Variants in SNAPC3 observed in about 807,000 individuals in gnomAD.
The protein encoded by SNAPC3 is snRNA-activating protein complex subunit 3.
Under a neutral mutation model 47.7 loss-of-function variants are expected in SNAPC3, and 56 were observed. The ratio of observed to expected loss-of-function variants is 1.18; its 90% CI spans 0.95 to 1.47. The LOEUF (loss-of-function observed/expected upper bound fraction) is 1.47, where lower values mean the gene tolerates loss of function less well. Ranked by LOEUF, SNAPC3 falls within the 40% of genes most tolerant of loss-of-function variation. SNAPC3 has a pLI of 0.00. For missense variants in SNAPC3, 665 were observed against 511.3 expected (o/e 1.30, Z -2.90); for synonymous variants, 235 against 189.9 (o/e 1.24, Z -1.95).
At chr9:15,423,613 G>A (rs2030900539) in intron 1 of SNAPC3, among the ~76,000 whole-genome samples, 1 of 152,146 alleles carries the variant, frequency 6.6e-6, no homozygotes, top group South Asian at 2.1e-4. Flanking sequence ...TTCTTTTGGG[G>A]ACCTTCCGGG....
Position 15,442,242 on chromosome 9 carries a change from C to G in SNAPC3, c.478-2360C>G, listed in dbSNP as rs7871517. On this transcript the variant is annotated intron_variant, in intron 3 of 8. Coordinates refer to ENST00000380821, the MANE Select transcript of SNAPC3 (RefSeq NM_001039697.2). ...CTCCGGGACGGGGCGGCTGGCCGGG[C>G]GGGGGCTGCCCCCAACCTCCCTCCT... Among the ~76,000 whole-genome samples, 4 of 107,120 alleles carry G rather than the reference C, an allele frequency of 3.7e-5. 1 individual carries two copies. Among genetic ancestry groups the G allele is most frequent in the South Asian group, 3.0e-4 (1 of 3,288 alleles). The allele number at this position is 107,120 out of a possible 152,430, so 70.3% of individuals were successfully genotyped here.
At chr9:15,464,264 A>T (rs2035456728), downstream of SNAPC3, 1 of 193,636 alleles carries the variant, frequency 5.2e-6, no homozygotes, top group South Asian at 1.9e-4. Context: ...GTAGATGAAA[A>T]CAGTTATCTC....
chr9:15,452,932 G>A (rs1306327798), intron 6 of SNAPC3, 109 bp from the exon 7 acceptor site: 1 of 859,980 alleles, frequency 1.2e-6, no homozygotes, highest in Non-Finnish European at 1.8e-6. Flanking sequence ...CAACTGTCCA[G>A]TTAGTTGGGT....
chr9:15,425,226 G>A (rs953044148), intron 2 of SNAPC3, among the ~76,000 whole-genome samples: 4 of 152,074 alleles, frequency 2.6e-5, no homozygotes, highest in Non-Finnish European at 4.4e-5. Flanking sequence ...GTTATGTTAC[G>A]TTATTTTTTT....
chr9:15,459,878 C>G lies in SNAPC3; in HGVS notation c.*12C>G. ...GAACCTTTAATTAAGAATAGCTACA[C>G]TCACAAAAATACCCCCTCATGAAAT... On this transcript the variant is annotated 3_prime_UTR_variant, in exon 9 of 9. Transcript: ENST00000380821. The G allele has an allele frequency of 8.1e-6, 13 of 1,600,674 alleles. No individual in the cohort carries two copies. Among genetic ancestry groups the G allele is most frequent in the Non-Finnish European group, 1.1e-5 (13 of 1,175,210 alleles).
rs570229534 is a variant in SNAPC3, at chr9:15,433,409, C to G, written c.393-143C>G. 173 of 641,980 alleles carry G rather than the reference C, an allele frequency of 2.7e-4. 3 individuals are homozygous for G. Among genetic ancestry groups the G allele is most frequent in the South Asian group, 2.6e-3 (148 of 55,906 alleles). The allele number at this position is 641,980 out of a possible 1,614,324, so 39.8% of individuals were successfully genotyped here. On this transcript the variant is annotated intron_variant, in intron 2 of 8. Coordinates refer to ENST00000380821, the MANE Select transcript of SNAPC3 (RefSeq NM_001039697.2). ...AGATGTTGACATAAGGGAAGCTGAACAAGAGATAGAAGGGAACTTTTTCCT... is the reference window on the plus strand; with the variant it reads ...AGATGTTGACATAAGGGAAGCTGAAGAAGAGATAGAAGGGAACTTTTTCCT...
In SNAPC3 at chr9:15,460,260, T is replaced by C. The variant is rs1169793464; in HGVS notation, c.*394T>C. 6.5e-6 allele frequency: 1 copy of C among 154,132 alleles called. No homozygotes were observed. Among genetic ancestry groups the C allele is most frequent in the Non-Finnish European group, 1.4e-5 (1 of 69,428 alleles). 9.5% of individuals were successfully genotyped at this position (154,132 alleles called of 1,614,324 possible). A position where few individuals can be genotyped will look rare whatever the true frequency, so the allele number is the denominator to read the frequency against. On this transcript the variant is annotated 3_prime_UTR_variant, in exon 9 of 9. Transcript: ENST00000380821. ...GATACATCAAGTAGTGGAAGTGTTT[T>C]GAAAATTCTTTGAAGAATGTGAGAG...
downstream of SNAPC3, among the ~76,000 whole-genome samples, chr9:15,466,106 A>G (rs113854975): frequency 0.04 from 6,133 of 152,272 alleles, 409 homozygotes; most frequent in African/African-American, 0.14. Flanking sequence ...ATGGCCGGGC[A>G]TGTTGGCTCA....
downstream of SNAPC3, chr9:15,462,933 C>A (rs1488513410): frequency 2.0e-5 from 3 of 152,182 alleles, no homozygotes; most frequent in East Asian, 1.9e-4. Flanking sequence ...TATGAAAAAT[C>A]TCTGCTCTTA....
chr9:15,449,561 ATATTTTTTTT>A (rs1478314765), intron 5 of SNAPC3, among the ~76,000 whole-genome samples: 4 of 43,284 alleles, frequency 9.2e-5, no homozygotes, highest in East Asian at 7.3e-4. Context: ...ATATATATAT[ATATTTTTTTT>A]TTTTTTTTTT....
chr9:15,433,722 G>C, intron 3 of SNAPC3, 86 bp downstream of exon 3: 1 of 806,218 alleles, frequency 1.2e-6, no homozygotes, highest in Non-Finnish European at 2.1e-6. Context: ...CAGTATGGTA[G>C]CTTTATACTG....
intron 3 of SNAPC3, among the ~76,000 whole-genome samples, chr9:15,440,773 C>G (rs1171733749): frequency 2.0e-5 from 3 of 152,114 alleles, no homozygotes; most frequent in Non-Finnish European, 4.4e-5. Context: ...CACAGTGAAA[C>G]CCCGTCTCTA....
intron 8 of SNAPC3, among the ~76,000 whole-genome samples, chr9:15,459,491 C>T (rs1404163829): frequency 6.6e-6 from 1 of 152,142 alleles, no homozygotes; most frequent in Non-Finnish European, 1.5e-5. Context: ...TACAGAGAAA[C>T]AGCATTCTGC....
intron 3 of SNAPC3, among the ~76,000 whole-genome samples, chr9:15,434,403 G>T (rs1239169371): frequency 6.9e-6 from 1 of 145,128 alleles, no homozygotes; most frequent in East Asian, 2.0e-4. Flanking sequence ...GTCCTTTTCT[G>T]TATGGCTTTT....
downstream of SNAPC3, chr9:15,464,625 GCAT>G (rs2035486566): frequency 1.5e-5 from 3 of 197,764 alleles, no homozygotes; most frequent in African/African-American, 4.6e-5. Flanking sequence ...TATTGTATAA[GCAT>G]CATGATTTTT....
In SNAPC3 at chr9:15,423,954, C is replaced by G; in HGVS notation, c.360C>G (p.Val120=). 6.3e-7 allele frequency: 1 copy of G among 1,588,864 alleles called. No homozygotes were observed. Among genetic ancestry groups the G allele is most frequent in the East Asian group, 2.3e-5 (1 of 43,152 alleles). Residue 120 remains valine, a synonymous_variant, in exon 2 of 9, where the codon GTC becomes GTG. Transcript: ENST00000380821. Reference sequence around the variant, plus strand: ...TTGAGGACGGTGAGGATCCAGAAGTCATTCCGGAGAATACTGACCTGGTGA... The same window carrying G: ...TTGAGGACGGTGAGGATCCAGAAGTGATTCCGGAGAATACTGACCTGGTGA... The part of the protein sequence containing the change: ...KCLEDGEDPE[V]IPENTDLVTL...
chr9:15,458,863 C>T (rs2034991369), intron 8 of SNAPC3, among the ~76,000 whole-genome samples: 1 of 152,040 alleles, frequency 6.6e-6, no homozygotes, highest in Non-Finnish European at 1.5e-5. Context: ...GTTTGAGTGG[C>T]AACATCTGAT....
At position 15,444,627 on chromosome 9, in the gene SNAPC3, C is replaced by G. The variant is rs1436400254; in HGVS notation, c.503C>G (p.Pro168Arg). ...GAGTCACATGCCATAGGAAAAAAGC[C>G]TGAAAATTCAGCAGACATGATTGAA... is the stretch of plus-strand genomic sequence containing the variant. ...EMESHAIGKK[P>R]ENSADMIEEG... Residue 168 changes from proline (P) to arginine (R), a missense_variant, in exon 4 of 9, where the codon CCT (proline) becomes CGT (arginine). By Grantham distance (103) the Pro-to-Arg change is moderately radical (BLOSUM62 -2). Coordinates refer to ENST00000380821, the MANE Select transcript of SNAPC3 (RefSeq NM_001039697.2). The G allele has an allele frequency of 6.2e-7, 1 of 1,612,024 alleles. No homozygotes were observed. The highest frequency in any genetic ancestry group is 8.5e-7 in the Non-Finnish European group (1 of 1,178,290).
intron 3 of SNAPC3, among the ~76,000 whole-genome samples, chr9:15,436,066 A>G (rs2032773927): frequency 6.6e-6 from 1 of 151,816 alleles, no homozygotes; most frequent in Admixed American, 6.6e-5. Flanking sequence ...ATGGTCTCGA[A>G]CTCCTGACCT....
Sources: allele counts gnomAD v4.1 joint callset (sites outside exome capture counted in the v4.1 genomes callset), GRCh38; gene constraint gnomAD v4.1.1; transcripts MANE v1.5; gene names NCBI Gene and HGNC (gene_info 2026-07-23, HGNC 2026-07-21).